Variants in RASGRF1 observed in about 807,000 individuals in gnomAD.
The protein encoded by RASGRF1 is Ras protein specific guanine nucleotide releasing factor 1.
In RASGRF1, 40 loss-of-function variants were observed where a neutral mutation model predicts 138.7. That is an observed-to-expected ratio of 0.29 (90% CI 0.22 to 0.38). The LOEUF is 0.38. Ranked by LOEUF, RASGRF1 falls within the 10% of genes least tolerant of loss-of-function variation. The pLI is 1.00. For synonymous variants in RASGRF1, 614 were observed against 663.2 expected, an observed-to-expected ratio of 0.93 and a Z score of 1.14; for missense variants, 1,108 against 1,650.4, an observed-to-expected ratio of 0.67 and a Z score of 5.69.
chr15:79,018,021 C>T, intron 11 of RASGRF1, 115 bp from the exon 12 acceptor site: 1 of 1,263,338 alleles, frequency 7.9e-7, no homozygotes, highest in East Asian at 2.5e-5. Context: ...TGGTAAGGCA[C>T]CAGGCCAATT....
intron 1 of RASGRF1, among the ~76,000 whole-genome samples, chr15:79,081,794 C>A (rs1269250116): frequency 2.0e-5 from 3 of 152,184 alleles, no homozygotes; most frequent in Non-Finnish European, 4.4e-5. Context: ...ATAGGCCTGG[C>A]CCCTCAGAGG....
chr15:79,023,177 G>GA (rs113056568), intron 10 of RASGRF1, among the ~76,000 whole-genome samples: 213 of 143,808 alleles, frequency 1.5e-3, no homozygotes, highest in Non-Finnish European at 1.5e-3. Context: ...CCGTCTTGGG[G>GA]AAAAAAAAAA....
intron 2 of RASGRF1, among the ~76,000 whole-genome samples, chr15:79,060,919 A>G (rs2057595590): frequency 6.6e-6 from 1 of 150,862 alleles, no homozygotes; most frequent in South Asian, 2.1e-4. Context: ...GCTTGTGTCA[A>G]TGTGGCTCAG....
intron 1 of RASGRF1, among the ~76,000 whole-genome samples, chr15:79,068,659 T>C (rs1220251009): frequency 3.3e-5 from 5 of 151,838 alleles, no homozygotes; most frequent in African/African-American, 9.7e-5. Context: ...TATCGATATA[T>C]CTGGAGAATG....
Position 79,028,955 on chromosome 15 carries a change from C to T in RASGRF1, c.1263-1096G>A, listed in dbSNP as rs962006943. 2.0e-5 allele frequency among the ~76,000 whole-genome samples: 3 copies of T among 152,314 alleles called. No individual in the cohort carries two copies. In the South Asian group the frequency reaches 6.2e-4, roughly 32 times the overall value. ...CTCTGATCCTTAGTTTCCTCATCTACAGAATGCTGGGGCAAAGGTGGAATA... is the reference window on the plus strand; with the variant it reads ...CTCTGATCCTTAGTTTCCTCATCTATAGAATGCTGGGGCAAAGGTGGAATA... On this transcript the variant is annotated intron_variant, in intron 8 of 26. Coordinates refer to ENST00000558480, the MANE Select transcript of RASGRF1 (RefSeq NM_001145648.3).
rs760650298 is a variant in RASGRF1 at position 79,017,924 on chromosome 15, TA to T, written c.1607-19del. The T allele has an allele frequency of 6.2e-7, 1 of 1,612,150 alleles. No homozygotes were observed. The highest frequency in any genetic ancestry group is 1.1e-5 in the South Asian group (1 of 90,658). On this transcript the variant is annotated intron_variant, in intron 11 of 26. Coordinates refer to ENST00000558480, the MANE Select transcript of RASGRF1 (RefSeq NM_001145648.3). ...TCCTTTGGCTTCCAGTTGTAAAACA[TA>T]AAGTTAGCAGCATGAATGTGGACGC...
intron 1 of RASGRF1, among the ~76,000 whole-genome samples, chr15:79,084,544 G>A (rs1227791482): frequency 2.0e-5 from 3 of 152,188 alleles, no homozygotes; most frequent in Admixed American, 6.5e-5. Flanking sequence ...CAACAGGGCC[G>A]CCACCTGCTG....
At chr15:79,042,801 A>G (rs2057313326) in intron 5 of RASGRF1, among the ~76,000 whole-genome samples, 2 of 152,236 alleles carry the variant, frequency 1.3e-5, no homozygotes, top group Non-Finnish European at 2.9e-5. Context: ...AGGTCCCACA[A>G]AGCCCTGCTG....
At chr15:78,974,694 T>G (rs1325104517) in intron 24 of RASGRF1, among the ~76,000 whole-genome samples, 2 of 152,236 alleles carry the variant, frequency 1.3e-5, no homozygotes, top group Non-Finnish European at 2.9e-5. Context: ...TTTTGATACT[T>G]GCCATTCTCC....
At chr15:79,019,189 A>C (rs1490588655) in intron 11 of RASGRF1, among the ~76,000 whole-genome samples, 1 of 152,140 alleles carries the variant, frequency 6.6e-6, no homozygotes, top group Non-Finnish European at 1.5e-5. Flanking sequence ...CAGGAGGCCC[A>C]GTCTGAGGAG....
At chr15:79,004,253 G>A (rs909651727) in intron 14 of RASGRF1, 78 bp from the exon 15 acceptor site, 58 of 1,477,532 alleles carry the variant, frequency 3.9e-5, no homozygotes, top group Non-Finnish European at 4.6e-5. Context: ...CGTCTCCGGT[G>A]GGGCTCGGAG....
At position 79,049,552 on chromosome 15, in the gene RASGRF1, A is replaced by C; in HGVS notation, c.568T>G (p.Ser190Ala). The C allele has an allele frequency of 6.2e-7, 1 of 1,614,030 alleles. No individual in the cohort carries two copies. The highest frequency in any genetic ancestry group is 8.5e-7 in the Non-Finnish European group (1 of 1,179,988). The change falls in exon 4 of 27, where the codon TCC (serine) becomes GCC (alanine). Residue 190 changes from serine (S) to alanine (A), a missense_variant. Physicochemically the swap from Ser to Ala is moderately conservative, Grantham distance 99. This residue lies in a region of RASGRF1 where 253 missense variants were observed against 329.5 expected (regional missense o/e 0.77). Transcript: ENST00000558480. The part of the protein sequence containing the change: ...SLLKDNERIQ[S>A]TQTVAPNDED... The stretch of plus-strand genomic sequence containing the variant: ...TCGTTGGGGGCGACAGTCTGGGTGG[A>C]CTGGATGCGCTCATTGTCCTTGAGC...
chr15:79,052,100 C>T (rs1323470510), intron 3 of RASGRF1, among the ~76,000 whole-genome samples: 1 of 152,194 alleles, frequency 6.6e-6, no homozygotes, highest in Non-Finnish European at 1.5e-5. Flanking sequence ...CTGGCCGACT[C>T]CACACCTGGC....
intron 3 of RASGRF1, among the ~76,000 whole-genome samples, chr15:79,058,095 C>A (rs997234541): frequency 1.3e-5 from 2 of 152,206 alleles, no homozygotes; most frequent in Non-Finnish European, 2.9e-5. Context: ...GAGGCACAGG[C>A]ACATTGAGGG....
At chr15:79,004,449 C>T (rs2056626504) in intron 14 of RASGRF1, among the ~76,000 whole-genome samples, 1 of 152,090 alleles carries the variant, frequency 6.6e-6, no homozygotes, top group Admixed American at 6.5e-5. Flanking sequence ...CAGCATCTGA[C>T]CTGAAGTGCT....
At chr15:79,059,819 A>G (rs999866554) in intron 2 of RASGRF1, among the ~76,000 whole-genome samples, 1 of 150,326 alleles carries the variant, frequency 6.7e-6, no homozygotes, top group Admixed American at 6.6e-5. Context: ...GTGTCTCTAC[A>G]TGATATTAAT....
rs1247318726 is a variant in RASGRF1, at chr15:79,073,302, C to G, written c.277-8776G>C. ...ATGCCTGATAAGCCCATGGCTCTTTCTAAGGGCAGCTGGTTCCTGTGGGGA... is the reference window on the plus strand; with the variant it reads ...ATGCCTGATAAGCCCATGGCTCTTTGTAAGGGCAGCTGGTTCCTGTGGGGA... On this transcript the variant is annotated intron_variant, in intron 1 of 26. Transcript: ENST00000558480. The surrounding 1 kb of genome is among the most constrained non-coding windows in gnomAD (Gnocchi z 4.2). 2.0e-5 allele frequency among the ~76,000 whole-genome samples: 3 copies of G among 152,148 alleles called. No homozygotes were observed. The highest frequency in any genetic ancestry group is 7.2e-5 in the African/African-American group (3 of 41,440).
intron 13 of RASGRF1, among the ~76,000 whole-genome samples, chr15:79,013,795 A>G (rs1433454258): frequency 6.6e-6 from 1 of 152,168 alleles, no homozygotes; most frequent in Non-Finnish European, 1.5e-5. Context: ...GGGAGGCTGT[A>G]TTACCCAGGG....
intron 1 of RASGRF1, among the ~76,000 whole-genome samples, chr15:79,079,215 A>G (rs1408463219): frequency 6.6e-6 from 1 of 152,184 alleles, no homozygotes; most frequent in African/African-American, 2.4e-5. Context: ...GGTCCTGCAC[A>G]AACATCTTTC....
Sources: gnomAD v4.1 joint callset for allele counts (sites outside exome capture counted in the v4.1 genomes callset) on GRCh38, gnomAD v4.1.1 for gene constraint, gnomAD v4.1.1 regional missense constraint, Gnocchi (gnomAD v3.1) non-coding constraint, MANE v1.5 for transcripts, NCBI Gene and HGNC (gene_info 2026-07-23, HGNC 2026-07-21) for gene names.